The following PDE3A variants were observed in gnomAD, a reference collection of about 807,000 sequenced individuals.
PDE3A encodes the protein phosphodiesterase 3A.
PDE3A carries 43 observed loss-of-function variants against 98.3 expected under a neutral mutation model. The observed-to-expected ratio is 0.44, with a 90% CI of 0.34 to 0.56. The LOEUF is 0.56. Among genes scored for constraint, PDE3A ranks in the 20% least tolerant of loss-of-function variants. PDE3A has a pLI of 0.01. For synonymous variants in PDE3A, 663 were observed against 567.9 expected, an observed-to-expected ratio of 1.17 and a Z score of -2.38; for missense variants, 1,427 against 1,440.7, an observed-to-expected ratio of 0.99 and a Z score of 0.15.
intron 15 of PDE3A, among the ~76,000 whole-genome samples, chr12:20,664,330 GTCA>G (rs1945254386): frequency 6.6e-6 from 1 of 152,084 alleles, no homozygotes; most frequent in Non-Finnish European, 1.5e-5. Flanking sequence ...GTCTAAAATC[GTCA>G]CTTAGATGAG....
intron 2 of PDE3A, among the ~76,000 whole-genome samples, chr12:20,588,495 G>A (rs533685476): frequency 3.3e-5 from 5 of 152,298 alleles, no homozygotes; most frequent in Admixed American, 2.6e-4. Flanking sequence ...TTCATGGATC[G>A]TGACAGCTGC....
intron 2 of PDE3A, among the ~76,000 whole-genome samples, chr12:20,598,187 A>ATTT (rs1943510786): frequency 6.6e-6 from 1 of 150,894 alleles, no homozygotes; most frequent in African/African-American, 2.4e-5. Context: ...TATTATTATT[A>ATTT]TTATTATTAT....
chr12:20,392,884 G>A (rs1015366573), intron 1 of PDE3A, among the ~76,000 whole-genome samples: 1 of 152,102 alleles, frequency 6.6e-6, no homozygotes, highest in East Asian at 1.9e-4. Flanking sequence ...GCACAGACAA[G>A]TACTTCAAGT....
intron 1 of PDE3A, among the ~76,000 whole-genome samples, chr12:20,502,595 T>A (rs972022691): frequency 6.6e-6 from 1 of 152,108 alleles, no homozygotes; most frequent in Non-Finnish European, 1.5e-5. Flanking sequence ...GTCTAGCAAA[T>A]AGAATGCATG....
rs1158813889 is a variant in PDE3A, at chr12:20,368,663, C to T, written c.-622C>T. Among the ~76,000 whole-genome samples the T allele has an allele frequency of 6.6e-6, 1 of 151,744 alleles. No individual in the cohort carries two copies. The highest frequency in any genetic ancestry group is 1.5e-5 in the Non-Finnish European group (1 of 67,916). ...ATTGACAGAGGCGGGGGAGGCTTTG[C>T]TTTCTGCCCCAGGGAATGGCGATTC... is the stretch of plus-strand genomic sequence containing the variant. On this transcript the variant is annotated 5_prime_UTR_variant, in exon 1 of 16. Coordinates refer to ENST00000359062, the MANE Select transcript of PDE3A (RefSeq NM_000921.5).
chr12:20,553,088 A>G, intron 1 of PDE3A: 1 of 852,966 alleles, frequency 1.2e-6, no homozygotes, highest in South Asian at 1.7e-5. Flanking sequence ...TTTTGTTCTT[A>G]GTGGGCTTAA....
At chr12:20,514,569 A>C (rs1946283198) in intron 1 of PDE3A, among the ~76,000 whole-genome samples, 1 of 152,236 alleles carries the variant, frequency 6.6e-6, no homozygotes, top group African/African-American at 2.4e-5. Context: ...TATTTGAGCT[A>C]TGTGACCTTG....
At chr12:20,589,126 G>A (rs1284068860) in intron 2 of PDE3A, among the ~76,000 whole-genome samples, 2 of 151,834 alleles carry the variant, frequency 1.3e-5, no homozygotes, top group African/African-American at 2.4e-5. Context: ...GGGTTTCACC[G>A]TGTTAGCCAG....
rs1945303592 is a variant in PDE3A, at chr12:20,666,096, T to C, written c.3184+11891T>C. On this transcript the variant is annotated intron_variant, in intron 15 of 15. Transcript: ENST00000359062. The stretch of plus-strand genomic sequence containing the variant: ...GATTCTCCTGCCTCAGCCCCCCAAG[T>C]AGCTAGGACAGGCATATGCCACCAT... Among the ~76,000 whole-genome samples the C allele has an allele frequency of 5.9e-5, 9 of 151,514 alleles. 1 individual carries two copies. Among genetic ancestry groups the C allele is most frequent in the Admixed American group, 5.9e-4 (9 of 15,174 alleles).
At chr12:20,635,090 T>G (rs1253227274) in intron 8 of PDE3A, 34 bp downstream of exon 8, 10 of 1,563,244 alleles carry the variant, frequency 6.4e-6, no homozygotes, top group Non-Finnish European at 8.7e-6. Context: ...CTCATTTACT[T>G]GAGAGATGAG....
In PDE3A at chr12:20,597,492, TG is replaced by T. The variant is rs928874714; in HGVS notation, c.1012-15950del. On this transcript the variant is annotated intron_variant, in intron 2 of 15. Coordinates refer to ENST00000359062, the MANE Select transcript of PDE3A (RefSeq NM_000921.5). ...CTCTTTTCTGGATAATAGGCTTTTT[TG>T]TTGGTTTTTTTCTTTTTTTGATCCT... is the stretch of plus-strand genomic sequence containing the variant. Among the ~76,000 whole-genome samples the T allele has an allele frequency of 8.5e-5, 13 of 152,334 alleles. No homozygotes were observed. In the East Asian group the frequency reaches 2.3e-3, roughly 27 times the overall value.
intron 1 of PDE3A, among the ~76,000 whole-genome samples, chr12:20,503,492 A>G (rs1011816768): frequency 6.6e-6 from 1 of 152,084 alleles, no homozygotes; most frequent in African/African-American, 2.4e-5. Flanking sequence ...TTCTATCCAC[A>G]ATAGAAAAAT....
intron 1 of PDE3A, among the ~76,000 whole-genome samples, chr12:20,537,617 T>TGA: frequency 6.6e-6 from 1 of 152,184 alleles, no homozygotes; most frequent in East Asian, 1.9e-4. Flanking sequence ...TAAGGTAGAT[T>TGA]GAGAGATGTT....
At chr12:20,628,540 T>C (rs1002121995) in intron 5 of PDE3A, among the ~76,000 whole-genome samples, 4 of 152,206 alleles carry the variant, frequency 2.6e-5, no homozygotes, top group African/African-American at 9.6e-5. Context: ...TTCTCCCATG[T>C]ACTAGTACTG....
intron 2 of PDE3A, among the ~76,000 whole-genome samples, chr12:20,590,799 G>A (rs1445416449): frequency 1.3e-5 from 2 of 152,150 alleles, no homozygotes; most frequent in African/African-American, 4.8e-5. Flanking sequence ...ATGAATAAAT[G>A]TTTCACCTCG....
At chr12:20,512,450 G>A (rs899566947) in intron 1 of PDE3A, among the ~76,000 whole-genome samples, 1 of 152,052 alleles carries the variant, frequency 6.6e-6, no homozygotes, top group African/African-American at 2.4e-5. Flanking sequence ...TTTGTCAAAT[G>A]CCCCTTTGTA....
intron 1 of PDE3A, among the ~76,000 whole-genome samples, chr12:20,437,480 C>T (rs527397362): frequency 2.0e-5 from 3 of 152,260 alleles, no homozygotes; most frequent in African/African-American, 7.2e-5. Flanking sequence ...CACGGTTCTG[C>T]AGACTGGGCA....
At chr12:20,477,063 T>TATC (rs1245989971) in intron 1 of PDE3A, among the ~76,000 whole-genome samples, 8 of 152,340 alleles carry the variant, frequency 5.3e-5, no homozygotes, top group Middle Eastern at 3.4e-3. Flanking sequence ...ATCCTCATTC[T>TATC]ATCTACTTTT....
At position 20,680,205 on chromosome 12, in the gene PDE3A, G is replaced by C. The variant is rs1945741397; in HGVS notation, c.3360G>C (p.Lys1120Asn). ...CTTCAGAACAGATCCAGGCTATCAAGGAAGAAGAAGAAGAGAAAGGGAAAC... is the reference window on the plus strand; with the variant it reads ...CTTCAGAACAGATCCAGGCTATCAACGAAGAAGAAGAAGAGAAAGGGAAAC... ...SHSSEQIQAI[K>N]EEEEEKGKPR... The change falls in exon 16 of 16, where the codon AAG becomes AAC. Residue 1120 changes from lysine (K) to asparagine (N), a missense_variant. By Grantham distance (94) the Lys-to-Asn change is moderately conservative. Coordinates refer to ENST00000359062, the MANE Select transcript of PDE3A (RefSeq NM_000921.5). 6.2e-7 allele frequency: 1 copy of C among 1,613,104 alleles called. No homozygotes were observed. The highest frequency in any genetic ancestry group is 1.3e-5 in the African/African-American group (1 of 74,860).
Sources: gnomAD v4.1 joint callset for allele counts (sites outside exome capture counted in the v4.1 genomes callset) on GRCh38, gnomAD v4.1.1 for gene constraint, MANE v1.5 for transcripts, NCBI Gene and HGNC (gene_info 2026-07-23, HGNC 2026-07-21) for gene names.